The following CRACD variants were observed in gnomAD, a reference collection of about 807,000 sequenced individuals.
CRACD encodes the protein capping protein-inhibiting regulator of actin dynamics.
A neutral mutation model predicts 106.8 loss-of-function variants in CRACD; 56 were observed. That is an observed-to-expected ratio of 0.52 (90% CI 0.42 to 0.66). CRACD has a LOEUF of 0.66. Among genes scored for constraint, CRACD ranks in the 30% least tolerant of loss-of-function variants. CRACD has a pLI of 0.00. For synonymous variants in CRACD, 754 were observed against 670.8 expected (o/e 1.12, Z -1.92); for missense variants, 1,730 against 1,623.2 (o/e 1.07, Z -1.13).
At chr4:56,284,045 C>T (rs2109679373) in intron 3 of CRACD, among the ~76,000 whole-genome samples, 1 of 152,278 alleles carries the variant, frequency 6.6e-6, no homozygotes, top group East Asian at 1.9e-4. Context: ...ATGATCTGAA[C>T]ATATTCTGCG....
intron 1 of CRACD, among the ~76,000 whole-genome samples, chr4:56,089,639 G>C (rs756919862): frequency 2.1e-4 from 32 of 151,676 alleles, no homozygotes; most frequent in Middle Eastern, 6.9e-3. Flanking sequence ...TCAGCCTGCT[G>C]AGTAGCTGGG....
At chr4:56,310,413 G>C (rs879823203) in intron 5 of CRACD, among the ~76,000 whole-genome samples, 1 of 152,206 alleles carries the variant, frequency 6.6e-6, no homozygotes, top group Non-Finnish European at 1.5e-5. Context: ...ACAAATGACC[G>C]AGACTGGGGA....
intron 1 of CRACD, among the ~76,000 whole-genome samples, chr4:56,077,722 C>T (rs913271485): frequency 6.6e-6 from 1 of 152,156 alleles, no homozygotes; most frequent in Non-Finnish European, 1.5e-5. Context: ...GCTCATATGT[C>T]AGGCCTTGGG....
intron 1 of CRACD, among the ~76,000 whole-genome samples, chr4:56,102,803 G>A (rs1733822190): frequency 6.6e-6 from 1 of 152,142 alleles, no homozygotes; most frequent in Non-Finnish European, 1.5e-5. Context: ...TGGCTTTTGG[G>A]ACTTCATAAT....
At chr4:56,077,893 C>T (rs1732896906) in intron 1 of CRACD, among the ~76,000 whole-genome samples, 1 of 152,086 alleles carries the variant, frequency 6.6e-6, no homozygotes, top group South Asian at 2.1e-4. Flanking sequence ...AGCTGCTTTG[C>T]CTGCAGGTAT....
In CRACD at chr4:56,061,345, G is replaced by GT. The variant is rs550893272; in HGVS notation, c.-336+12053dup. ...ACCACCATGCCCACCAGTTTTTGTG[G>GT]TTTTTTTGTAGACATGGGGTCTTGC... On this transcript the variant is annotated intron_variant, in intron 1 of 10. Coordinates refer to ENST00000682029, the MANE Select transcript of CRACD (RefSeq NM_001393381.1). 4.4e-3 allele frequency among the ~76,000 whole-genome samples: 663 copies of GT among 151,884 alleles called. 5 individuals are homozygous for GT. Among genetic ancestry groups the GT allele is most frequent in the African/African-American group, 0.015 (619 of 41,406 alleles).
At chr4:56,214,431 A>G (rs537373099) in intron 2 of CRACD, among the ~76,000 whole-genome samples, 37 of 150,572 alleles carry the variant, frequency 2.5e-4, no homozygotes. Flanking sequence ...CATCTCTACT[A>G]AAATACAAAA....
chr4:56,094,121 T>G (rs1407539626), intron 1 of CRACD, among the ~76,000 whole-genome samples: 2 of 152,230 alleles, frequency 1.3e-5, no homozygotes, highest in African/African-American at 4.8e-5. Flanking sequence ...ACTGTTTTAT[T>G]AAATATCTGA....
chr4:56,248,041 G>T (rs898001855), intron 2 of CRACD, among the ~76,000 whole-genome samples: 1 of 152,170 alleles, frequency 6.6e-6, no homozygotes, highest in African/African-American at 2.4e-5. Context: ...AGCAGCACCA[G>T]AATGTGGAAT....
At chr4:56,205,597 A>G (rs990534290) in intron 2 of CRACD, among the ~76,000 whole-genome samples, 1 of 152,038 alleles carries the variant, frequency 6.6e-6, no homozygotes, top group Non-Finnish European at 1.5e-5. Flanking sequence ...GAGAGTTGAG[A>G]CCAGTACTCC....
At position 56,315,630 on chromosome 4, in the gene CRACD, C is replaced by A. The variant is rs977713314; in HGVS notation, c.2128C>A (p.Arg710=). Reference sequence around the variant, plus strand: ...CCGGTGTGATTCCCGCGGGAACCAACGGAAGACTCCGCCAGTCAATGCAAA... The same window carrying A: ...CCGGTGTGATTCCCGCGGGAACCAAAGGAAGACTCCGCCAGTCAATGCAAA... The part of the protein sequence containing the change: ...RGRCDSRGNQ[R]KTPPVNAKFS... The change falls in exon 8 of 11, where the codon CGG becomes AGG. Residue 710 remains arginine (R), a synonymous_variant. Coordinates refer to ENST00000682029, the MANE Select transcript of CRACD (RefSeq NM_001393381.1). The surrounding 1 kb of genome is among the most constrained non-coding windows in gnomAD (Gnocchi z 4.1). The A allele has an allele frequency of 1.9e-6, 3 of 1,614,092 alleles. No individual in the cohort carries two copies. Among genetic ancestry groups the A allele is most frequent in the African/African-American group, 1.3e-5 (1 of 74,934 alleles).
chr4:56,323,975 T>G, intron 9 of CRACD, 129 bp from the exon 10 acceptor site: 2 of 1,016,454 alleles, frequency 2.0e-6, no homozygotes, highest in Non-Finnish European at 1.4e-6. Flanking sequence ...GGCTCATACA[T>G]GTAATCCAGC....
chr4:56,196,685 TA>T (rs1285649219), intron 2 of CRACD, among the ~76,000 whole-genome samples: 8 of 152,184 alleles, frequency 5.3e-5, no homozygotes, highest in African/African-American at 1.9e-4. Context: ...GTCTTTACTA[TA>T]ATTCTATCAT....
intron 1 of CRACD, among the ~76,000 whole-genome samples, chr4:56,141,632 A>G (rs13112186): frequency 0.094 from 14,148 of 150,550 alleles, 884 homozygotes; most frequent in Non-Finnish European, 0.14. Context: ...AAAACAAGAG[A>G]TGCTGAATAT....
At chr4:56,105,254 T>C (rs1733911557) in intron 1 of CRACD, among the ~76,000 whole-genome samples, 1 of 152,174 alleles carries the variant, frequency 6.6e-6, no homozygotes, top group African/African-American at 2.4e-5. Flanking sequence ...ATCCCAGCAC[T>C]GTGGGAGGCC....
chr4:56,303,448 A>G (rs1218269206), intron 4 of CRACD, among the ~76,000 whole-genome samples: 1 of 118,652 alleles, frequency 8.4e-6, no homozygotes, highest in Non-Finnish European at 1.8e-5. Context: ...AGTCTGGCTT[A>G]TCTTAACAGT....
At chr4:56,273,497 C>T (rs1371442712) in intron 3 of CRACD, among the ~76,000 whole-genome samples, 1 of 151,982 alleles carries the variant, frequency 6.6e-6, no homozygotes, top group Non-Finnish European at 1.5e-5. Flanking sequence ...GTGTCAGGAA[C>T]TCAGAAAAGT....
chr4:56,082,791 C>T (rs1394297261), intron 1 of CRACD, among the ~76,000 whole-genome samples: 2 of 151,810 alleles, frequency 1.3e-5, no homozygotes, highest in Non-Finnish European at 2.9e-5. Context: ...AGCTTTTACT[C>T]AGTGCCCCCA....
At chr4:56,290,660 C>G (rs921625840) in intron 3 of CRACD, among the ~76,000 whole-genome samples, 7 of 152,084 alleles carry the variant, frequency 4.6e-5, no homozygotes, top group Non-Finnish European at 7.4e-5. Flanking sequence ...ACCTGTCTGT[C>G]AATAAAAATA....
Sources: allele counts gnomAD v4.1 joint callset (sites outside exome capture counted in the v4.1 genomes callset), GRCh38; gene constraint gnomAD v4.1.1; non-coding constraint Gnocchi (gnomAD v3.1); transcripts MANE v1.5; gene names NCBI Gene and HGNC (gene_info 2026-07-23, HGNC 2026-07-21).